The following NALF1 variants were observed in gnomAD, a reference collection of about 807,000 sequenced individuals.
The protein encoded by NALF1 is NALCN channel auxiliary factor 1.
NALF1 carries 3 observed loss-of-function variants against 48.4 expected under a neutral mutation model. That is an observed-to-expected ratio of 0.06 (90% confidence interval 0.03 to 0.16). NALF1 has a LOEUF of 0.16. Ranked by LOEUF, NALF1 falls within the 10% of genes least tolerant of loss-of-function variation. The pLI, the probability that NALF1 is intolerant of heterozygous loss-of-function variation, is 1.00. For missense variants in NALF1, 526 were observed against 571.5 expected (o/e 0.92, Z 0.81); for synonymous variants, 262 against 245.7 (o/e 1.07, Z -0.62).
chr13:107,596,750 C>T (rs943596943), intron 1 of NALF1, among the ~76,000 whole-genome samples: 2 of 152,046 alleles, frequency 1.3e-5, no homozygotes, highest in Non-Finnish European at 2.9e-5. Flanking sequence ...GTGCAGCACA[C>T]CATATGGAAC....
At chr13:107,210,483 C>A (rs1245980288) in intron 2 of NALF1, 101 bp downstream of exon 2, 6 of 834,660 alleles carry the variant, frequency 7.2e-6, no homozygotes, top group Non-Finnish European at 2.0e-6. Flanking sequence ...GCCGCATCTT[C>A]AAGGTTATAT....
chr13:107,648,804 G>C (rs1442730166), intron 1 of NALF1, among the ~76,000 whole-genome samples: 1 of 152,158 alleles, frequency 6.6e-6, no homozygotes, highest in Non-Finnish European at 1.5e-5. Flanking sequence ...CCCTAGCAGT[G>C]AATAAGAGTC....
intron 1 of NALF1, among the ~76,000 whole-genome samples, chr13:107,724,527 T>G (rs1045082065): frequency 6.6e-6 from 1 of 152,096 alleles, no homozygotes; most frequent in Admixed American, 6.6e-5. Flanking sequence ...TATACAACAC[T>G]CATATACCAT....
chr13:107,616,401 A>T (rs1453550228), intron 1 of NALF1, among the ~76,000 whole-genome samples: 3 of 152,210 alleles, frequency 2.0e-5, no homozygotes, highest in Non-Finnish European at 4.4e-5. Context: ...CTTTTAACAA[A>T]GTCTAAGTGT....
At chr13:107,858,895 G>A (rs1207624755) in intron 1 of NALF1, among the ~76,000 whole-genome samples, 1 of 152,036 alleles carries the variant, frequency 6.6e-6, no homozygotes, top group Admixed American at 6.6e-5. Flanking sequence ...TAAATTTCTG[G>A]GTGATTTAAG....
intron 1 of NALF1, among the ~76,000 whole-genome samples, chr13:107,253,254 T>C (rs1166061828): frequency 6.6e-6 from 1 of 152,012 alleles, no homozygotes; most frequent in African/African-American, 2.4e-5. Flanking sequence ...TTTCCATTCA[T>C]CAAGTGATAA....
At chr13:107,318,424 G>A (rs1037212107) in intron 1 of NALF1, among the ~76,000 whole-genome samples, 2 of 152,030 alleles carry the variant, frequency 1.3e-5, no homozygotes, top group Non-Finnish European at 2.9e-5. Flanking sequence ...AATTCATTCT[G>A]CGGTGAGCCA....
At chr13:107,271,725 C>T (rs1366640090) in intron 1 of NALF1, among the ~76,000 whole-genome samples, 1 of 145,372 alleles carries the variant, frequency 6.9e-6, no homozygotes, top group Non-Finnish European at 1.5e-5. Context: ...TGTGTCTGTA[C>T]AAGTGTGTGC....
chr13:107,187,577 T>C (rs1442684173), intron 2 of NALF1, among the ~76,000 whole-genome samples: 1 of 152,166 alleles, frequency 6.6e-6, no homozygotes, highest in African/African-American at 2.4e-5. Flanking sequence ...ACTCATTCAA[T>C]GTTTGTTGAA....
chr13:107,450,320 T>G (rs907245160), intron 1 of NALF1, among the ~76,000 whole-genome samples: 1 of 152,138 alleles, frequency 6.6e-6, no homozygotes, highest in Admixed American at 6.5e-5. Context: ...GTGCCCATCA[T>G]AGAGCCACGG....
At chr13:107,644,456 C>T (rs531102939) in intron 1 of NALF1, among the ~76,000 whole-genome samples, 2 of 151,450 alleles carry the variant, frequency 1.3e-5, no homozygotes, top group East Asian at 3.9e-4. Context: ...GCTAAGTAGC[C>T]AATAAATGGC....
rs556709479 is a variant in NALF1 at position 107,554,051 on chromosome 13, C to G, written c.915+311631G>C. Reference sequence around the variant, plus strand: ...AGCCCTGAGAGCCTTAGTCCCACATCTGCAAATGCAGATAATCCTGTGAGC... The same window carrying G: ...AGCCCTGAGAGCCTTAGTCCCACATGTGCAAATGCAGATAATCCTGTGAGC... On this transcript the variant is annotated intron_variant, in intron 1 of 2. Coordinates refer to ENST00000375915, the MANE Select transcript of NALF1 (RefSeq NM_001080396.3). 3.9e-5 allele frequency among the ~76,000 whole-genome samples: 6 copies of G among 152,350 alleles called. No individual in the cohort carries two copies. The East Asian group carries it at 1.2e-3, about 29-fold the overall frequency.
At chr13:107,602,716 T>C (rs1192990057) in intron 1 of NALF1, among the ~76,000 whole-genome samples, 1 of 152,208 alleles carries the variant, frequency 6.6e-6, no homozygotes, top group Admixed American at 6.5e-5. Flanking sequence ...ATTAAATTAT[T>C]CCTTCGCGTC....
intron 1 of NALF1, among the ~76,000 whole-genome samples, chr13:107,779,631 G>A (rs934062493): frequency 1.3e-5 from 2 of 152,190 alleles, no homozygotes; most frequent in Admixed American, 6.5e-5. Context: ...GGCTTGCCAA[G>A]CACTCGTTCT....
chr13:107,698,731 G>A (rs1306288359), intron 1 of NALF1, among the ~76,000 whole-genome samples: 1 of 152,018 alleles, frequency 6.6e-6, no homozygotes, highest in Non-Finnish European at 1.5e-5. Flanking sequence ...TGCAGAATAA[G>A]AACTACATTT....
chr13:107,541,425 G>A lies in NALF1; in HGVS notation c.915+324257C>T, dbSNP rs79874417. On this transcript the variant is annotated intron_variant, in intron 1 of 2. Coordinates refer to ENST00000375915, the MANE Select transcript of NALF1 (RefSeq NM_001080396.3). Reference sequence around the variant, plus strand: ...ATTTAATCAAAAGAGAAGAATAGTCGAATTCATAACTCAGAATTCTTGAAT... The same window carrying A: ...ATTTAATCAAAAGAGAAGAATAGTCAAATTCATAACTCAGAATTCTTGAAT... 2.3e-3 allele frequency among the ~76,000 whole-genome samples: 348 copies of A among 152,136 alleles called. 1 individual carries two copies. Among genetic ancestry groups the A allele is most frequent in the African/African-American group, 8.1e-3 (337 of 41,530 alleles).
At chr13:107,217,597 A>G (rs1419111341) in intron 1 of NALF1, among the ~76,000 whole-genome samples, 2 of 151,890 alleles carry the variant, frequency 1.3e-5, no homozygotes, top group African/African-American at 2.4e-5. Context: ...CAATACCTCA[A>G]GCACTACAAA....
chr13:107,450,412 A>G, intron 1 of NALF1, among the ~76,000 whole-genome samples: 1 of 152,150 alleles, frequency 6.6e-6, no homozygotes, highest in Middle Eastern at 3.2e-3. Flanking sequence ...AAGCCAACAC[A>G]AGCCTGTGGG....
chr13:107,558,404 T>TGTATA (rs1436865741), intron 1 of NALF1, among the ~76,000 whole-genome samples: 3 of 152,204 alleles, frequency 2.0e-5, no homozygotes, highest in African/African-American at 7.2e-5. Context: ...GACAGCTATA[T>TGTATA]GTATAGTATA....
Sources: allele counts gnomAD v4.1 joint callset (sites outside exome capture counted in the v4.1 genomes callset), GRCh38; gene constraint gnomAD v4.1.1; transcripts MANE v1.5; gene names NCBI Gene and HGNC (gene_info 2026-07-23, HGNC 2026-07-21).